Variants in SAMD11 observed in about 807,000 individuals in gnomAD.
SAMD11 encodes the protein sterile alpha motif domain-containing protein 11.
In SAMD11, 77 loss-of-function variants were observed where a neutral mutation model predicts 64.4. The observed-to-expected ratio is 1.20, with a 90% confidence interval of 0.99 to 1.44. The LOEUF (loss-of-function observed/expected upper bound fraction) is 1.44. SAMD11 is among the 40% of genes most tolerant of loss of function. SAMD11 has a pLI of 0.00. For missense variants in SAMD11, 1,402 were observed against 943.3 expected (o/e 1.49, Z -6.37); for synonymous variants, 658 against 421.9 (o/e 1.56, Z -6.86).
Position 939,596 on chromosome 1 carries a change from G to T in SAMD11, c.1195+184G>T, listed in dbSNP as rs894776062. On this transcript the variant is annotated intron_variant, in intron 7 of 13. Coordinates refer to ENST00000616016, the MANE Select transcript of SAMD11 (RefSeq NM_001385641.1). ...CCCTCTGCCACACGTCCTGCCCCAT[G>T]CCCCCTGGGGCGGGCCACACCTCCA... 6.7e-5 allele frequency: 72 copies of T among 1,079,146 alleles called. No individual in the cohort carries two copies. The Middle Eastern group carries it at 9.4e-4, about 14-fold the overall frequency. The allele number at this position is 1,079,146 out of a possible 1,614,324, so 66.8% of individuals were successfully genotyped here.
Position 944,551 on chromosome 1 carries a change from C to T in SAMD11, c.*398C>T, listed in dbSNP as rs751141349. 57 of 632,658 alleles carry T rather than the reference C, an allele frequency of 9.0e-5. No homozygotes were observed. The highest frequency in any genetic ancestry group is 1.4e-4 in the Non-Finnish European group (51 of 374,088). 39.2% of individuals were successfully genotyped at this position (632,658 alleles called of 1,614,324 possible). ...CTCTCGATACGTTTGGTCTTTCATG[C>T]TGAAAAATAAATAATAAAGCCTGTC... On this transcript the variant is annotated 3_prime_UTR_variant, in exon 14 of 14. Transcript: ENST00000616016.
intron 5 of SAMD11, among the ~76,000 whole-genome samples, chr1:936,486 T>C (rs112002312): frequency 9.6e-4 from 146 of 151,964 alleles, no homozygotes; most frequent in African/African-American, 3.4e-3. Context: ...AGGGAAGGGA[T>C]CCGGCGCCTG....
At chr1:932,260 T>C (rs185888236) in intron 4 of SAMD11, among the ~76,000 whole-genome samples, 21 of 152,020 alleles carry the variant, frequency 1.4e-4, no homozygotes, top group African/African-American at 4.8e-4. Flanking sequence ...CCAGCCGCGG[T>C]CCCCCCGACC....
At chr1:936,967 G>T (rs1251591315) in intron 5 of SAMD11, among the ~76,000 whole-genome samples, 1 of 152,176 alleles carries the variant, frequency 6.6e-6, no homozygotes, top group East Asian at 1.9e-4. Flanking sequence ...GCATGTCTGT[G>T]TCTGGGGTCC....
In SAMD11 at chr1:941,318, G is replaced by C; in HGVS notation, c.1358+12G>C. The C allele has an allele frequency of 6.5e-7, 1 of 1,542,886 alleles. No homozygotes were observed. On this transcript the variant is annotated intron_variant, in intron 8 of 13. Coordinates refer to ENST00000616016, the MANE Select transcript of SAMD11 (RefSeq NM_001385641.1). ...TCCTTCTCGGAGAGGTACTGGGGTG[G>C]CTGCCGTTCTCTGCTTGTTTCTGGG...
rs989841479 is a variant in SAMD11 at position 944,402 on chromosome 1, G to A, written c.*249G>A. 2 of 1,227,946 alleles carry A rather than the reference G, an allele frequency of 1.6e-6. No individual in the cohort carries two copies. Among genetic ancestry groups the A allele is most frequent in the African/African-American group, 3.1e-5 (2 of 63,592 alleles). 76.1% of individuals were successfully genotyped at this position (1,227,946 alleles called of 1,614,324 possible). ...GGTGGAAGGGGCCAGGGGCCTGCAG[G>A]CCTCCCCCTGGAACTGGGACTGGTC... is the stretch of plus-strand genomic sequence containing the variant. On this transcript the variant is annotated 3_prime_UTR_variant, in exon 14 of 14. Transcript: ENST00000616016.
At position 939,370 on chromosome 1, in the gene SAMD11, G is replaced by C; in HGVS notation, c.1153G>C (p.Glu385Gln). 6.2e-7 allele frequency: 1 copy of C among 1,612,766 alleles called. No individual in the cohort carries two copies. Residue 385 changes from glutamate (E) to glutamine (Q), a missense_variant, in exon 7 of 14, where the codon GAG (glutamate) becomes CAG (glutamine). Transcript: ENST00000616016. ...AGCACTGAGCGAGGCCAGCACCTTT[G>C]AGGACCCTCAGCGCCTCTACCACCT... ...VSALSEASTFEDPQRLYHLGL... is the reference protein window; with the variant it reads ...VSALSEASTFQDPQRLYHLGL...
intron 4 of SAMD11, among the ~76,000 whole-genome samples, chr1:933,790 C>A (rs1329953072): frequency 6.6e-6 from 1 of 152,058 alleles, no homozygotes; most frequent in Non-Finnish European, 1.5e-5. Context: ...GGGGGAGAGC[C>A]GTCATCTAGG....
intron 7 of SAMD11, among the ~76,000 whole-genome samples, chr1:940,727 C>T (rs1286292500): frequency 6.6e-6 from 1 of 152,242 alleles, no homozygotes; most frequent in African/African-American, 2.4e-5. Context: ...TGGCCAGCCG[C>T]GTCTACTATG....
In SAMD11 at chr1:942,624, C is replaced by A. The variant is rs1384741683; in HGVS notation, c.1619C>A (p.Ala540Glu). 3 of 1,437,476 alleles carry A rather than the reference C, an allele frequency of 2.1e-6. No homozygotes were observed. Among genetic ancestry groups the A allele is most frequent in the East Asian group, 3.1e-5 (1 of 32,574 alleles). 89.0% of individuals were successfully genotyped at this position (1,437,476 alleles called of 1,614,324 possible). Reference protein sequence around the residue: ...ELESARPQLLAPETALRPNDG... With the variant: ...ELESARPQLLEPETALRPNDG... ...GAGAGCGCGCGCCCACAGCTGCTGG[C>A]GCCCGAGACCGCCCTGCGCCCCAAC... Residue 540 changes from alanine to glutamate, a missense_variant, in exon 11 of 14, where the codon GCG becomes GAG. By Grantham distance (107) the Ala-to-Glu change is moderately radical. Coordinates refer to ENST00000616016, the MANE Select transcript of SAMD11 (RefSeq NM_001385641.1).
Position 942,763 on chromosome 1 carries a change from G to T in SAMD11, c.1758G>T (p.Pro586=), listed in dbSNP as rs965620869. 1.3e-6 allele frequency: 2 copies of T among 1,527,672 alleles called. No individual in the cohort carries two copies. The highest frequency in any genetic ancestry group is 1.8e-6 in the Non-Finnish European group (2 of 1,140,312). 94.6% of individuals were successfully genotyped at this position (1,527,672 alleles called of 1,614,324 possible). A position where few individuals can be genotyped will look rare whatever the true frequency, so the allele number is the denominator to read the frequency against. The change falls in exon 11 of 14, where the codon CCG becomes CCT. Residue 586 remains proline (P), a synonymous_variant. Transcript: ENST00000616016. ...QGPPGSGPPT[P]SRDSARRAPR... ...CCCCGGGCTCCGGACCCCCCACCCCGTCCCGGGACTCTGCCCGGCGAGCCC... is the reference window on the plus strand; with the variant it reads ...CCCCGGGCTCCGGACCCCCCACCCCTTCCCGGGACTCTGCCCGGCGAGCCC...
chr1:938,605 C>A (rs79067344), intron 5 of SAMD11, among the ~76,000 whole-genome samples: 5 of 152,202 alleles, frequency 3.3e-5, no homozygotes, highest in Non-Finnish European at 5.9e-5. Context: ...GGTGTGAGGT[C>A]CTTCCCGGCT....
At chr1:939,182 TGAGGGTCCCCTGGACCTC>T in intron 6 of SAMD11, 53 bp downstream of exon 6, 5 of 1,552,414 alleles carry the variant, frequency 3.2e-6, no homozygotes, top group Non-Finnish European at 4.4e-6. Context: ...GGGCAGTCCC[TGAGGGTCCCCTGGACCTC>T]GAGCAGGCAC....
intron 2 of SAMD11, among the ~76,000 whole-genome samples, chr1:929,194 C>T (rs889675779): frequency 1.3e-5 from 2 of 152,208 alleles, no homozygotes; most frequent in African/African-American, 4.8e-5. Context: ...TGCAGGGTGC[C>T]GCGGGCACGT....
chr1:929,600 G>A (rs1224242918), intron 2 of SAMD11, among the ~76,000 whole-genome samples: 1 of 152,246 alleles, frequency 6.6e-6, no homozygotes, highest in Non-Finnish European at 1.5e-5. Flanking sequence ...AAGTACGGGT[G>A]GGATTGGCAG....
At chr1:937,396 GCC>G (rs5772023) in intron 5 of SAMD11, among the ~76,000 whole-genome samples, 74,694 of 134,632 alleles carry the variant, frequency 0.55, 20,445 homozygotes, top group African/African-American at 0.69. Context: ...CCTTCCACCT[GCC>G]CCCCCCCCCA....
chr1:940,974 TCGGC>T (rs1641728845), intron 7 of SAMD11, 166 bp from the exon 8 acceptor site: 2 of 550,470 alleles, frequency 3.6e-6, no homozygotes, highest in Admixed American at 3.7e-5. Context: ...GTCTGCCGTC[TCGGC>T]CCTGTGGCCG....
intron 2 of SAMD11, 121 bp from the exon 3 acceptor site, chr1:930,034 G>T: frequency 1.7e-6 from 2 of 1,188,604 alleles, no homozygotes; most frequent in Admixed American, 2.7e-5. Flanking sequence ...GCTCGGCCTG[G>T]GGTGCGAGAC....
intron 4 of SAMD11, among the ~76,000 whole-genome samples, chr1:935,265 T>C (rs28576697): frequency 0.23 from 35,010 of 152,058 alleles, 5,021 homozygotes; most frequent in Non-Finnish European, 0.3. Flanking sequence ...GCCGGTGCCG[T>C]GTGTGCGTGG....
Sources: gnomAD v4.1 joint callset for allele counts (sites outside exome capture counted in the v4.1 genomes callset) on GRCh38, gnomAD v4.1.1 for gene constraint, MANE v1.5 for transcripts, NCBI Gene and HGNC (gene_info 2026-07-23, HGNC 2026-07-21) for gene names.